The following MARK2 variants were observed in gnomAD, a reference collection of about 807,000 sequenced individuals.
MARK2 encodes the protein serine/threonine-protein kinase MARK2.
Under a neutral mutation model 89.8 loss-of-function variants are expected in MARK2, and 16 were observed. That is an observed-to-expected ratio of 0.18 (90% CI 0.12 to 0.27). The LOEUF (loss-of-function observed/expected upper bound fraction) is 0.27. Ranked by LOEUF, MARK2 falls within the 10% of genes least tolerant of loss-of-function variation. The pLI is 1.00. For missense variants in MARK2, 621 were observed against 1,049.9 expected (o/e 0.59, Z 5.65); for synonymous variants, 382 against 399.5 (o/e 0.96, Z 0.52).
intron 3 of MARK2, among the ~76,000 whole-genome samples, chr11:63,897,746 A>C (rs1021637468): frequency 6.6e-6 from 1 of 152,210 alleles, no homozygotes; most frequent in Non-Finnish European, 1.5e-5. Context: ...CTAGAGGCCC[A>C]GGAAGGAAAG....
intron 1 of MARK2, among the ~76,000 whole-genome samples, chr11:63,840,403 T>C (rs569782279): frequency 2.6e-5 from 4 of 152,306 alleles, no homozygotes; most frequent in African/African-American, 9.6e-5. Context: ...TGTTTCTCTC[T>C]GTGAGTGTTC....
chr11:63,839,389 C>T lies in MARK2; in HGVS notation c.-118C>T. The stretch of plus-strand genomic sequence containing the variant: ...CTGCCCGGCCTCCCCGCACCCCCGG[C>T]CGGGGCCCATGCGGCGGGTGCTCCT... On this transcript the variant is annotated 5_prime_UTR_variant, in exon 1 of 19. Transcript: ENST00000402010. 3.2e-6 allele frequency: 2 copies of T among 625,428 alleles called. No individual in the cohort carries two copies. Among genetic ancestry groups the T allele is most frequent in the East Asian group, 3.3e-5 (1 of 30,062 alleles). The allele number at this position is 625,428 out of a possible 1,614,324, so 38.7% of individuals were successfully genotyped here. A position where few individuals can be genotyped will look rare whatever the true frequency, so the allele number is the denominator to read the frequency against.
intron 1 of MARK2, among the ~76,000 whole-genome samples, chr11:63,853,074 G>T (rs916981245): frequency 1.3e-5 from 2 of 152,176 alleles, no homozygotes; most frequent in African/African-American, 4.8e-5. Context: ...ATTCAAGGCA[G>T]TGCCGCTTTA....
intron 16 of MARK2, 34 bp from the exon 17 acceptor site, chr11:63,906,054 T>C: frequency 7.4e-7 from 1 of 1,355,954 alleles, no homozygotes; most frequent in Non-Finnish European, 9.5e-7. Flanking sequence ...TTATTTCTTT[T>C]TTTATTTTGT....
intron 1 of MARK2, among the ~76,000 whole-genome samples, chr11:63,857,401 G>C (rs550963457): frequency 2.0e-5 from 3 of 151,264 alleles, no homozygotes; most frequent in Non-Finnish European, 1.5e-5. Flanking sequence ...GGCTGGTCTC[G>C]AACTCCTTAC....
intron 1 of MARK2, among the ~76,000 whole-genome samples, chr11:63,860,792 T>C (rs529847774): frequency 6.3e-4 from 96 of 151,534 alleles, no homozygotes; most frequent in Non-Finnish European, 9.0e-4. Context: ...CAGGAGGCGG[T>C]GGTTGCAGTG....
intron 1 of MARK2, among the ~76,000 whole-genome samples, chr11:63,889,150 G>C (rs1939617775): frequency 6.6e-6 from 1 of 152,134 alleles, no homozygotes; most frequent in African/African-American, 2.4e-5. Context: ...GCACATACCA[G>C]AAGGGTCTCC....
chr11:63,859,165 A>G (rs1937611742), intron 1 of MARK2, among the ~76,000 whole-genome samples: 3 of 151,982 alleles, frequency 2.0e-5, no homozygotes, highest in Admixed American at 1.3e-4. Context: ...TCCTTGAAGA[A>G]CCTTGGTGCC....
chr11:63,895,098 A>C, intron 1 of MARK2, 61 bp from the exon 2 acceptor site: 7 of 1,443,442 alleles, frequency 4.8e-6, no homozygotes, highest in Non-Finnish European at 6.7e-6. Context: ...TATATTTTGC[A>C]GAGAGCGTTT....
intron 1 of MARK2, among the ~76,000 whole-genome samples, chr11:63,863,363 T>C (rs1256256928): frequency 6.6e-6 from 1 of 152,130 alleles, no homozygotes; most frequent in Non-Finnish European, 1.5e-5. Flanking sequence ...TTAATTTACT[T>C]GCTTGTCTAA....
chr11:63,855,179 TGAA>T (rs1484093102), intron 1 of MARK2, among the ~76,000 whole-genome samples: 1 of 152,004 alleles, frequency 6.6e-6, no homozygotes, highest in Non-Finnish European at 1.5e-5. Context: ...CACAATTCAG[TGAA>T]GAAATATTTT....
At chr11:63,908,008 G>A (rs907238525) in intron 17 of MARK2, among the ~76,000 whole-genome samples, 8 of 152,206 alleles carry the variant, frequency 5.3e-5, no homozygotes, top group African/African-American at 1.7e-4. Flanking sequence ...CCTTCTCCCC[G>A]GCACAGATCT....
At position 63,910,942 on chromosome 11, in the gene MARK2, C is replaced by T. The variant is rs192399654; in HGVS notation, c.*1705C>T. 2 of 152,298 alleles carry T rather than the reference C, an allele frequency of 1.3e-5. No homozygotes were observed. Among genetic ancestry groups the T allele is most frequent in the African/African-American group, 2.4e-5 (1 of 41,458 alleles). 9.4% of individuals were successfully genotyped at this position (152,298 alleles called of 1,614,324 possible). A position where few individuals can be genotyped will look rare whatever the true frequency, so the allele number is the denominator to read the frequency against. ...CCCAGGCAAGGTGGCCCCTCCCCGT[C>T]TAGCCCCCTCCTCCCCAACCCTGCA... On this transcript the variant is annotated 3_prime_UTR_variant, in exon 19 of 19. Transcript: ENST00000402010.
intron 1 of MARK2, among the ~76,000 whole-genome samples, chr11:63,889,925 G>A (rs1296354625): frequency 6.6e-6 from 1 of 152,236 alleles, no homozygotes; most frequent in Non-Finnish European, 1.5e-5. Flanking sequence ...CAGGGAGGAT[G>A]GTGGTAGAGG....
intron 18 of MARK2, 110 bp from the exon 19 acceptor site, chr11:63,908,767 C>A: frequency 8.6e-7 from 1 of 1,167,706 alleles, no homozygotes; most frequent in Non-Finnish European, 1.1e-6. Context: ...CTGGCTGCTC[C>A]TGCTCCCTCC....
intron 1 of MARK2, among the ~76,000 whole-genome samples, chr11:63,881,459 TTGGGGTCGAGAG>T (rs879607860): frequency 5.3e-5 from 8 of 152,116 alleles, no homozygotes; most frequent in South Asian, 2.1e-4. Flanking sequence ...CCCTTATCTC[TTGGGGTCGAGAG>T]TGGGGTCGAG....
At chr11:63,857,317 C>T (rs1324369631) in intron 1 of MARK2, among the ~76,000 whole-genome samples, 1 of 152,122 alleles carries the variant, frequency 6.6e-6, no homozygotes, top group African/African-American at 2.4e-5. Flanking sequence ...TAGGCACTTG[C>T]CACCAAGTGA....
At position 63,903,996 on chromosome 11, in the gene MARK2, C is replaced by T. The variant is rs1473746605; in HGVS notation, c.1525C>T (p.Pro509Ser). 6.2e-7 allele frequency: 1 copy of T among 1,606,078 alleles called. No homozygotes were observed. Among genetic ancestry groups the T allele is most frequent in the Non-Finnish European group, 8.5e-7 (1 of 1,176,416 alleles). The change falls in exon 15 of 19, where the codon CCA becomes TCA. Residue 509 changes from proline (P) to serine (S), a missense_variant. Physicochemically the swap from Pro to Ser is moderately conservative, Grantham distance 74. Around this residue, in one of 5 missense-constraint regions of MARK2, gnomAD observed 397 missense variants for 567.8 expected, o/e 0.70. Transcript: ENST00000402010. The surrounding 1 kb of genome is among the most constrained non-coding windows in gnomAD (Gnocchi z 5.1). ...GCTTTTGTTTCCTAGCCTAACCATGCCAGGGTCCCGGGCCTCCACGGCTTC... is the reference window on the plus strand; with the variant it reads ...GCTTTTGTTTCCTAGCCTAACCATGTCAGGGTCCCGGGCCTCCACGGCTTC... The part of the protein sequence containing the change: ...IQNGKDSLTM[P>S]GSRASTASAS...
intron 1 of MARK2, among the ~76,000 whole-genome samples, chr11:63,886,083 T>A (rs780353254): frequency 6.7e-6 from 1 of 150,094 alleles, no homozygotes. Flanking sequence ...GAGCCGAGAT[T>A]GCGCCACTGC....
Sources: allele counts gnomAD v4.1 joint callset (sites outside exome capture counted in the v4.1 genomes callset), GRCh38; gene constraint gnomAD v4.1.1; regional missense constraint gnomAD v4.1.1; non-coding constraint Gnocchi (gnomAD v3.1); transcripts MANE v1.5; gene names NCBI Gene and HGNC (gene_info 2026-07-23, HGNC 2026-07-21).